FGF14: variants seen among roughly 807,000 people sequenced by gnomAD.
The protein encoded by FGF14 is fibroblast growth factor 14, also known as fibroblast growth factor homologous factor 4.
A neutral mutation model predicts 25.5 loss-of-function variants in FGF14; 5 were observed. The ratio of observed to expected loss-of-function variants is 0.20; its 90% CI spans 0.10 to 0.41. FGF14 has a LOEUF of 0.41. Ranked by LOEUF, FGF14 falls within the 10% of genes least tolerant of loss-of-function variation. The probability of loss-of-function intolerance (pLI) is 1.00; values close to 1 mark genes in which losing one functional copy is unlikely to be tolerated. For missense variants in FGF14, 222 were observed against 320.1 expected, an observed-to-expected ratio of 0.69 and a Z score of 2.34; for synonymous variants, 138 against 118.3, an observed-to-expected ratio of 1.17 and a Z score of -1.08.
intron 3 of FGF14, among the ~76,000 whole-genome samples, chr13:101,788,625 T>C (rs1222949490): frequency 6.6e-6 from 1 of 151,830 alleles, no homozygotes; most frequent in African/African-American, 2.4e-5. Context: ...TTGAATGTGA[T>C]CAAGTTCAAA....
At chr13:102,128,398 T>C (rs1479532090) in intron 1 of FGF14, among the ~76,000 whole-genome samples, 6 of 152,152 alleles carry the variant, frequency 3.9e-5, no homozygotes, top group Non-Finnish European at 7.4e-5. Flanking sequence ...ATTGGCCAAG[T>C]AGAGGTAGGA....
intron 1 of FGF14, among the ~76,000 whole-genome samples, chr13:102,057,156 A>G (rs1356582872): frequency 6.6e-6 from 1 of 152,130 alleles, no homozygotes; most frequent in Non-Finnish European, 1.5e-5. Context: ...AATTGTTTAT[A>G]AACTATGAAT....
At chr13:101,724,105 T>C (rs2035193694) in intron 4 of FGF14, among the ~76,000 whole-genome samples, 3 of 152,060 alleles carry the variant, frequency 2.0e-5, no homozygotes, top group African/African-American at 4.8e-5. Flanking sequence ...AACTAATGCG[T>C]ATCCTGAAAG....
chr13:102,215,022 G>T (rs2050313081), intron 1 of FGF14, among the ~76,000 whole-genome samples: 1 of 152,092 alleles, frequency 6.6e-6, no homozygotes, highest in African/African-American at 2.4e-5. Flanking sequence ...TTCTTTTTTG[G>T]TGGGAACTGA....
Position 101,712,010 on chromosome 13 carries a change from C to T in FGF14, c.*10821G>A, listed in dbSNP as rs1594002074. 6.6e-6 allele frequency: 1 copy of T among 152,310 alleles called. No individual in the cohort carries two copies. Among genetic ancestry groups the T allele is most frequent in the East Asian group, 1.9e-4 (1 of 5,172 alleles). The allele number at this position is 152,310 out of a possible 1,614,324, so 9.4% of individuals were successfully genotyped here. The stretch of plus-strand genomic sequence containing the variant: ...TGCAGCCTACATCTGTCTGATGGAA[C>T]CCTCTCCCTGTGTGCTTCCCATTTA... On this transcript the variant is annotated 3_prime_UTR_variant, in exon 5 of 5. Coordinates refer to ENST00000376143, the MANE Select transcript of FGF14 (RefSeq NM_004115.4).
chr13:102,369,014 T>C (rs1477806174), intron 1 of FGF14, among the ~76,000 whole-genome samples: 3 of 152,138 alleles, frequency 2.0e-5, no homozygotes, highest in Non-Finnish European at 4.4e-5. Flanking sequence ...TCATCATGAG[T>C]ATATTATAAC....
chr13:101,983,223 A>G (rs575308849), intron 1 of FGF14, among the ~76,000 whole-genome samples: 4 of 152,246 alleles, frequency 2.6e-5, no homozygotes, highest in Non-Finnish European at 5.9e-5. Context: ...ATCAGCACTC[A>G]GTATTCCTGA....
At chr13:102,200,012 T>C (rs559521) in intron 1 of FGF14, among the ~76,000 whole-genome samples, 128,894 of 152,172 alleles carry the variant, frequency 0.85, 55,026 homozygotes, top group African/African-American at 0.96. Flanking sequence ...GAGACAGGTG[T>C]TAAAATCCTG....
chr13:101,879,567 A>G (rs2045582683), intron 1 of FGF14, among the ~76,000 whole-genome samples: 1 of 152,190 alleles, frequency 6.6e-6, no homozygotes. Context: ...AGGATAACCA[A>G]TCAAATGGTG....
At position 101,722,518 on chromosome 13, in the gene FGF14, G is replaced by C; in HGVS notation, c.*313C>G. On this transcript the variant is annotated 3_prime_UTR_variant, in exon 5 of 5. Coordinates refer to ENST00000376143, the MANE Select transcript of FGF14 (RefSeq NM_004115.4). ...TTATGGGTAGCTGTCAGCAGGCAAG[G>C]TATCGAGTGTACTTGTGAAGTATGT... is the stretch of plus-strand genomic sequence containing the variant. The C allele has an allele frequency of 2.5e-6, 1 of 406,540 alleles. No homozygotes were observed. The highest frequency in any genetic ancestry group is 2.2e-5 in the South Asian group (1 of 45,068). The allele number at this position is 406,540 out of a possible 1,614,324, so 25.2% of individuals were successfully genotyped here.
intron 1 of FGF14, among the ~76,000 whole-genome samples, chr13:102,042,911 G>A (rs943230712): frequency 6.6e-6 from 1 of 152,174 alleles, no homozygotes; most frequent in Non-Finnish European, 1.5e-5. Context: ...TGCAGTACCA[G>A]CAAGTGTCAG....
intron 3 of FGF14, chr13:101,801,868 T>G: frequency 3.0e-6 from 1 of 336,504 alleles, no homozygotes; most frequent in Non-Finnish European, 5.8e-6. Context: ...AGCAAAACAG[T>G]ACAGTCAGGA....
chr13:102,023,870 A>G (rs2040795899), intron 1 of FGF14, among the ~76,000 whole-genome samples: 1 of 152,086 alleles, frequency 6.6e-6, no homozygotes, highest in South Asian at 2.1e-4. Context: ...GTGTCAATAA[A>G]CATGGGAATC....
intron 1 of FGF14, among the ~76,000 whole-genome samples, chr13:101,901,782 T>C (rs1418321996): frequency 2.0e-5 from 3 of 151,980 alleles, no homozygotes; most frequent in Admixed American, 6.6e-5. Context: ...GCAGAAGAAA[T>C]AGAAAAGTAC....
intron 1 of FGF14, among the ~76,000 whole-genome samples, chr13:102,302,238 T>C (rs1477866256): frequency 6.6e-6 from 1 of 152,186 alleles, no homozygotes; most frequent in African/African-American, 2.4e-5. Flanking sequence ...GTTGGAGATA[T>C]ATTAGTGGTT....
At chr13:102,128,000 C>T (rs916599399) in intron 1 of FGF14, among the ~76,000 whole-genome samples, 1 of 152,166 alleles carries the variant, frequency 6.6e-6, no homozygotes, top group Admixed American at 6.5e-5. Flanking sequence ...CCTGCCCCTT[C>T]CAGGAAAGAG....
At chr13:102,392,743 T>G (rs908414083) in intron 1 of FGF14, among the ~76,000 whole-genome samples, 10 of 152,182 alleles carry the variant, frequency 6.6e-5, no homozygotes, top group Admixed American at 2.6e-4. Context: ...AAATTCAAAC[T>G]GGCCACTAAG....
intron 1 of FGF14, among the ~76,000 whole-genome samples, chr13:102,342,472 T>G (rs980743177): frequency 3.3e-5 from 5 of 152,148 alleles, no homozygotes; most frequent in African/African-American, 1.2e-4. Flanking sequence ...AAATTAACAT[T>G]CTCTGATTCA....
chr13:102,182,398 T>C (rs1454211252), intron 1 of FGF14, among the ~76,000 whole-genome samples: 1 of 152,180 alleles, frequency 6.6e-6, no homozygotes, highest in Non-Finnish European at 1.5e-5. Flanking sequence ...GTTGGACTTT[T>C]GACCTCTGGA....
Sources: allele counts gnomAD v4.1 joint callset (sites outside exome capture counted in the v4.1 genomes callset), GRCh38; gene constraint gnomAD v4.1.1; transcripts MANE v1.5; gene names NCBI Gene and HGNC (gene_info 2026-07-23, HGNC 2026-07-21).